The following SDK1 variants were observed in gnomAD, a reference collection of about 807,000 sequenced individuals.
The protein encoded by SDK1 is sidekick cell adhesion molecule 1.
A neutral mutation model predicts 245.5 loss-of-function variants in SDK1; 157 were observed. That is an observed-to-expected ratio of 0.64 (90% CI 0.56 to 0.73). The LOEUF (loss-of-function observed/expected upper bound fraction) is 0.73. SDK1 is among the 30% of genes least tolerant of loss of function. SDK1 has a pLI of 0.00. For missense variants in SDK1, 3,583 were observed against 3,002.3 expected (o/e 1.19, Z -4.52); for synonymous variants, 1,647 against 1,278.5 (o/e 1.29, Z -6.15).
At chr7:3,484,421 G>A (rs1033585793) in intron 1 of SDK1, among the ~76,000 whole-genome samples, 4 of 152,108 alleles carry the variant, frequency 2.6e-5, no homozygotes, top group Non-Finnish European at 4.4e-5. Context: ...TGAGGATTTC[G>A]GTAAACATGA....
intron 1 of SDK1, among the ~76,000 whole-genome samples, chr7:3,307,542 AGGG>A (rs1480541822): frequency 6.6e-6 from 1 of 152,220 alleles, no homozygotes; most frequent in East Asian, 1.9e-4. Context: ...GCATTGCTGT[AGGG>A]AACCCTTGTT....
intron 1 of SDK1, among the ~76,000 whole-genome samples, chr7:3,330,061 A>G (rs571903957): frequency 5.3e-5 from 8 of 152,288 alleles, no homozygotes; most frequent in African/African-American, 1.7e-4. Context: ...ATAGTATTTC[A>G]TTGTATGTAT....
Position 3,971,999 on chromosome 7 carries a change from C to G in SDK1, c.1817+431C>G, listed in dbSNP as rs144048898. 1.3e-3 allele frequency among the ~76,000 whole-genome samples: 202 copies of G among 151,628 alleles called. 2 individuals are homozygous for G. The highest frequency in any genetic ancestry group is 4.4e-3 in the African/African-American group (181 of 41,340). On this transcript the variant is annotated intron_variant, in intron 12 of 44. Coordinates refer to ENST00000404826, the MANE Select transcript of SDK1 (RefSeq NM_152744.4). ...AAATGGAGGGGGAGGGAGTCCTGTGCATGGGACAAAGTCACCCACAGCCCC... is the reference window on the plus strand; with the variant it reads ...AAATGGAGGGGGAGGGAGTCCTGTGGATGGGACAAAGTCACCCACAGCCCC...
At chr7:3,977,735 C>G (rs1783068087) in intron 13 of SDK1, among the ~76,000 whole-genome samples, 5 of 152,266 alleles carry the variant, frequency 3.3e-5, no homozygotes, top group Admixed American at 3.3e-4. Flanking sequence ...ACCATATCTT[C>G]ATGGCTCCCT....
intron 1 of SDK1, among the ~76,000 whole-genome samples, chr7:3,505,333 A>C (rs1782359884): frequency 6.6e-6 from 1 of 152,126 alleles, no homozygotes; most frequent in African/African-American, 2.4e-5. Flanking sequence ...TGCAGCCTCA[A>C]ACCCCTTGGC....
At chr7:3,999,740 A>G (rs1325736248) in intron 14 of SDK1, among the ~76,000 whole-genome samples, 2 of 152,228 alleles carry the variant, frequency 1.3e-5, no homozygotes, top group Non-Finnish European at 2.9e-5. Flanking sequence ...TTTTCTAACT[A>G]ATAATGTATT....
intron 19 of SDK1, among the ~76,000 whole-genome samples, chr7:4,056,884 C>G (rs944974410): frequency 6.6e-6 from 1 of 152,080 alleles, no homozygotes; most frequent in Non-Finnish European, 1.5e-5. Context: ...TCCGCCCCGG[C>G]TCCCGACAGC....
At chr7:3,645,442 A>G (rs554089466) in intron 4 of SDK1, among the ~76,000 whole-genome samples, 90 of 152,216 alleles carry the variant, frequency 5.9e-4, no homozygotes, top group Non-Finnish European at 1.1e-3. Context: ...AAGATTACAT[A>G]AATCAGTATG....
rs528738926 is a variant in SDK1 at position 4,068,815 on chromosome 7, G to A, written c.3010+879G>A. 8.6e-5 allele frequency among the ~76,000 whole-genome samples: 13 copies of A among 151,972 alleles called. No individual in the cohort carries two copies. In the South Asian group the frequency reaches 1.0e-3, roughly 12 times the overall value. ...CGGCTCACTGCAACCTCCACCTCCC[G>A]GGTTCAAGCAGTTTTCCTGCCTCAG... On this transcript the variant is annotated intron_variant, in intron 20 of 44. Transcript: ENST00000404826.
chr7:3,838,807 G>C (rs1000777444), intron 5 of SDK1, among the ~76,000 whole-genome samples: 2 of 152,066 alleles, frequency 1.3e-5, no homozygotes, highest in Admixed American at 1.3e-4. Context: ...TTGCACTCTT[G>C]TCTTTCTTAT....
intron 38 of SDK1, among the ~76,000 whole-genome samples, chr7:4,210,973 A>G (rs751197340): frequency 2.6e-5 from 4 of 152,202 alleles, no homozygotes; most frequent in African/African-American, 4.8e-5. Context: ...GGATCCGCCA[A>G]TCTAGGGGCC....
intron 35 of SDK1, among the ~76,000 whole-genome samples, chr7:4,185,217 G>A (rs1221342019): frequency 6.6e-6 from 1 of 152,190 alleles, no homozygotes; most frequent in Non-Finnish European, 1.5e-5. Flanking sequence ...AGTTTGACTA[G>A]GTGGCCAGAA....
intron 1 of SDK1, among the ~76,000 whole-genome samples, chr7:3,594,443 G>A (rs961758816): frequency 6.6e-6 from 1 of 152,200 alleles, no homozygotes; most frequent in Non-Finnish European, 1.5e-5. Flanking sequence ...GTGGATGTAT[G>A]TTTTCGTTTC....
chr7:3,718,801 A>C (rs1359214271), intron 4 of SDK1, among the ~76,000 whole-genome samples: 2 of 152,128 alleles, frequency 1.3e-5, no homozygotes, highest in Admixed American at 1.3e-4. Context: ...TAGGAAAAAA[A>C]AAGGCATCCA....
chr7:4,203,120 G>A lies in SDK1; in HGVS notation c.5099-2759G>A, dbSNP rs574046962. On this transcript the variant is annotated intron_variant, in intron 35 of 44. Coordinates refer to ENST00000404826, the MANE Select transcript of SDK1 (RefSeq NM_152744.4). ...TGCAGCCTCCAGCCCACCCCTTCCC[G>A]CAGAGGCAGGAGGCCACGCCATAAC... 3.9e-5 allele frequency among the ~76,000 whole-genome samples: 6 copies of A among 152,316 alleles called. No individual in the cohort carries two copies. The East Asian group carries it at 5.8e-4, about 15-fold the overall frequency.
At chr7:3,447,299 A>T (rs78875597) in intron 1 of SDK1, among the ~76,000 whole-genome samples, 1 of 152,314 alleles carries the variant, frequency 6.6e-6, no homozygotes, top group Non-Finnish European at 1.5e-5. Flanking sequence ...AGCGAAACTT[A>T]TCTTTACCCT....
chr7:3,706,097 T>C lies in SDK1; in HGVS notation c.713+63992T>C, dbSNP rs562877009. 4.6e-5 allele frequency among the ~76,000 whole-genome samples: 7 copies of C among 152,366 alleles called. No individual in the cohort carries two copies. The South Asian group carries it at 6.2e-4, about 14-fold the overall frequency. On this transcript the variant is annotated intron_variant, in intron 4 of 44. Coordinates refer to ENST00000404826, the MANE Select transcript of SDK1 (RefSeq NM_152744.4). ...TTGATTCATGTATGTTAAACCTCCC[T>C]GCATTTCTGGAATGAAACCCACTTG... is the stretch of plus-strand genomic sequence containing the variant.
At chr7:3,790,381 C>G (rs1045719795) in intron 4 of SDK1, among the ~76,000 whole-genome samples, 4 of 152,142 alleles carry the variant, frequency 2.6e-5, no homozygotes, top group African/African-American at 2.4e-5. Flanking sequence ...ATGGCAGGTT[C>G]TAACGAGGAG....
intron 1 of SDK1, among the ~76,000 whole-genome samples, chr7:3,446,817 A>T (rs1340055003): frequency 6.6e-6 from 1 of 152,210 alleles, no homozygotes; most frequent in Non-Finnish European, 1.5e-5. Flanking sequence ...GGATTACTGA[A>T]CAGTCAAGTG....
Sources: allele counts gnomAD v4.1 joint callset (sites outside exome capture counted in the v4.1 genomes callset), GRCh38; gene constraint gnomAD v4.1.1; transcripts MANE v1.5; gene names NCBI Gene and HGNC (gene_info 2026-07-23, HGNC 2026-07-21).